The following CPLANE1 variants were observed in gnomAD, a reference collection of about 807,000 sequenced individuals.
The protein encoded by CPLANE1 is ciliogenesis and planar polarity effector 1.
Under a neutral mutation model 362.5 loss-of-function variants are expected in CPLANE1, and 263 were observed. The ratio of observed to expected loss-of-function variants is 0.73; its 90% CI spans 0.66 to 0.80. The LOEUF (loss-of-function observed/expected upper bound fraction) is 0.80, where lower values mean the gene tolerates loss of function less well. CPLANE1 is among the 30% of genes least tolerant of loss of function. CPLANE1 has a pLI of 0.00. For missense variants in CPLANE1, 3,461 were observed against 3,793.4 expected, an observed-to-expected ratio of 0.91 and a Z score of 2.30; for synonymous variants, 1,212 against 1,302.6, an observed-to-expected ratio of 0.93 and a Z score of 1.50.
intron 42 of CPLANE1, among the ~76,000 whole-genome samples, chr5:37,151,076 C>A (rs777296386): frequency 6.6e-6 from 1 of 152,060 alleles, no homozygotes; most frequent in African/African-American, 2.4e-5. Context: ...GGAGAAAATC[C>A]CAATCGCTTG....
intron 47 of CPLANE1, among the ~76,000 whole-genome samples, chr5:37,123,349 TGGA>T (rs1418964781): frequency 3.9e-5 from 6 of 151,968 alleles, no homozygotes; most frequent in Non-Finnish European, 2.9e-5. Context: ...CAAGGTCCTG[TGGA>T]GAAGTTGTCA....
intron 32 of CPLANE1, 46 bp downstream of exon 32, chr5:37,173,709 T>C (rs755310360): frequency 2.7e-6 from 4 of 1,463,506 alleles, no homozygotes; most frequent in Non-Finnish European, 3.8e-6. Context: ...AAACCCTACA[T>C]GTACACTATG....
At chr5:37,196,272 C>T (rs749962468) in intron 20 of CPLANE1, among the ~76,000 whole-genome samples, 2 of 151,862 alleles carry the variant, frequency 1.3e-5, no homozygotes, top group Non-Finnish European at 2.9e-5. Flanking sequence ...CCCTGGCTTT[C>T]CTCACTGGCA....
At chr5:37,104,456 C>T (rs796905578), downstream of CPLANE1, among the ~76,000 whole-genome samples, 8 of 151,144 alleles carry the variant, frequency 5.3e-5, no homozygotes, top group South Asian at 2.1e-4. Flanking sequence ...GAAAAGTAGC[C>T]GGGCATGATG....
chr5:37,172,108 A>AGG (rs1779971139), intron 32 of CPLANE1, among the ~76,000 whole-genome samples: 2 of 152,168 alleles, frequency 1.3e-5, no homozygotes, highest in African/African-American at 4.8e-5. Flanking sequence ...CACCTCTTAT[A>AGG]AAATTTAAAA....
At chr5:37,248,519 T>TGCTAG (rs146335748) in intron 1 of CPLANE1, among the ~76,000 whole-genome samples, 3,320 of 152,038 alleles carry the variant, frequency 0.022, 135 homozygotes, top group African/African-American at 0.077. Flanking sequence ...TCTATCAAGA[T>TGCTAG]GCTAGCTATC....
chr5:37,198,851 GATC>G lies in CPLANE1; in HGVS notation c.3520_3522del (p.Asp1174del). On this transcript the variant is annotated inframe_deletion, in exon 20 of 53. Transcript: ENST00000651892. ...TTATTTTTTTCAGCTTTTAAAAGAA[GATC>G]ATCACCATCTTCCTGAGGAAAATAA... 1.9e-6 allele frequency: 3 copies of G among 1,613,730 alleles called. No individual in the cohort carries two copies. The highest frequency in any genetic ancestry group is 2.5e-6 in the Non-Finnish European group (3 of 1,179,858).
At position 37,205,408 on chromosome 5, in the gene CPLANE1, G is replaced by T; in HGVS notation, c.3196C>A (p.Gln1066Lys). 3 of 1,550,132 alleles carry T rather than the reference G, an allele frequency of 1.9e-6. No homozygotes were observed. The highest frequency in any genetic ancestry group is 2.6e-6 in the Non-Finnish European group (3 of 1,146,110). The change falls in exon 18 of 53, where the codon CAG (glutamine) becomes AAG (lysine). Residue 1066 changes from glutamine (Q) to lysine (K), a missense_variant. Around this residue, in one of 2 missense-constraint regions of CPLANE1, gnomAD observed 3,380 missense variants for 3,666.1 expected, o/e 0.92. Coordinates refer to ENST00000651892, the MANE Select transcript of CPLANE1 (RefSeq NM_001384732.1). The part of the protein sequence containing the change: ...LNLPLRMTPA[Q>K]IFQEKLQCVL... ...CACTGCAGTTTTTCCTGAAAAATCT[G>T]TGCTGGAGTCATACGGAGTGGTAGA...
chr5:37,200,977 C>T (rs1350043317), intron 19 of CPLANE1, among the ~76,000 whole-genome samples: 4 of 152,064 alleles, frequency 2.6e-5, no homozygotes, highest in Non-Finnish European at 5.9e-5. Flanking sequence ...GCACATGCCA[C>T]GATGCCCAGC....
chr5:37,080,391 A>G, the CPLANE1 span, among the ~76,000 whole-genome samples: 3 of 152,356 alleles, frequency 2.0e-5, no homozygotes, highest in East Asian at 5.8e-4. Flanking sequence ...GCTGGAATCT[A>G]CAAGATCAAG....
Position 37,224,757 on chromosome 5 carries a change from G to A in CPLANE1, c.2292-17C>T, listed in dbSNP as rs904636676. On this transcript the variant is annotated splice_polypyrimidine_tract_variant and intron_variant, in intron 12 of 52. Coordinates refer to ENST00000651892, the MANE Select transcript of CPLANE1 (RefSeq NM_001384732.1). Reference sequence around the variant, plus strand: ...ATAAGCAATCTGCACATAAAATCAGGTAATTATCAAAAGCAAATTTCAGGC... The same window carrying A: ...ATAAGCAATCTGCACATAAAATCAGATAATTATCAAAAGCAAATTTCAGGC... The A allele has an allele frequency of 3.9e-6, 6 of 1,525,168 alleles. No homozygotes were observed. In the African/African-American group the frequency reaches 4.2e-5, roughly 11 times the overall value. The allele number at this position is 1,525,168 out of a possible 1,614,324, so 94.5% of individuals were successfully genotyped here.
intron 44 of CPLANE1, chr5:37,139,659 T>C: frequency 2.4e-6 from 1 of 416,562 alleles, no homozygotes; most frequent in Non-Finnish European, 3.3e-6. Flanking sequence ...CAAGCAAACC[T>C]CCCACCTTAA....
In CPLANE1 at chr5:37,177,658, C is replaced by G. The variant is rs1042774343; in HGVS notation, c.5863G>C (p.Glu1955Gln). ...EVQCQREEPL[E>Q]TIMEEKSTEQ... ...GTCGATTTTTCCTCCATAATTGTCT[C>G]CAGTGGTTCTTCCCTTTGACACTGA... Residue 1955 changes from glutamate (E) to glutamine (Q), a missense_variant, in exon 30 of 53, where the codon GAG (glutamate) becomes CAG (glutamine). Physicochemically the swap from Glu to Gln is conservative, Grantham distance 29. Transcript: ENST00000651892. 2.5e-6 allele frequency: 4 copies of G among 1,613,778 alleles called. No individual in the cohort carries two copies. The African/African-American group carries it at 4.0e-5, about 16-fold the overall frequency.
intron 27 of CPLANE1, among the ~76,000 whole-genome samples, chr5:37,180,407 G>A (rs1782369933): frequency 6.6e-6 from 1 of 152,034 alleles, no homozygotes; most frequent in Non-Finnish European, 1.5e-5. Context: ...AGAAGCTCAG[G>A]TAAAGATTGT....
chr5:37,243,190 AT>A (rs1307268169), intron 5 of CPLANE1, 71 bp from the exon 6 acceptor site: 2 of 842,092 alleles, frequency 2.4e-6, no homozygotes, highest in African/African-American at 1.8e-5. Context: ...AAATACATAT[AT>A]ATATTCCTCA....
At chr5:37,210,018 T>C in intron 16 of CPLANE1, 8 of 846,238 alleles carry the variant, frequency 9.5e-6, no homozygotes, top group Non-Finnish European at 1.6e-5. Context: ...ATGTCAAAAG[T>C]TGAAGTTTTT....
At chr5:37,094,031 A>G in the CPLANE1 span, among the ~76,000 whole-genome samples, 84 of 151,748 alleles carry the variant, frequency 5.5e-4, no homozygotes, top group South Asian at 1.5e-3. Context: ...AGTGGGGGGC[A>G]GGAGTGGAAG....
chr5:37,121,548 A>C (rs10491422), intron 49 of CPLANE1, 69 bp downstream of exon 49: 2 of 1,457,458 alleles, frequency 1.4e-6, no homozygotes, highest in African/African-American at 2.8e-5. Context: ...TTAGGTCACG[A>C]AAGTGCTACA....
rs1382147627 is a variant in CPLANE1, at chr5:37,107,512, C to T, written c.*90G>A. On this transcript the variant is annotated 3_prime_UTR_variant, in exon 53 of 53. Coordinates refer to ENST00000651892, the MANE Select transcript of CPLANE1 (RefSeq NM_001384732.1). ...AATGGAAAATTCACATTGCTTCTTT[C>T]ATTGCTTCTGTCCCTTAAACCTGTT... is the stretch of plus-strand genomic sequence containing the variant. The T allele has an allele frequency of 3.7e-6, 5 of 1,339,310 alleles. No individual in the cohort carries two copies. In the South Asian group the frequency reaches 7.5e-5, roughly 20 times the overall value. 83.0% of individuals were successfully genotyped at this position (1,339,310 alleles called of 1,614,324 possible). A position where few individuals can be genotyped will look rare whatever the true frequency, so the allele number is the denominator to read the frequency against.
Sources: gnomAD v4.1 joint callset for allele counts (sites outside exome capture counted in the v4.1 genomes callset) on GRCh38, gnomAD v4.1.1 for gene constraint, gnomAD v4.1.1 regional missense constraint, MANE v1.5 for transcripts, NCBI Gene and HGNC (gene_info 2026-07-23, HGNC 2026-07-21) for gene names.